The following SEL1L2 variants were observed in gnomAD, a reference collection of about 807,000 sequenced individuals.
The protein encoded by SEL1L2 is SEL1L2 adaptor subunit of SYVN1 ubiquitin ligase.
A neutral mutation model predicts 98.8 loss-of-function variants in SEL1L2; 89 were observed. The ratio of observed to expected loss-of-function variants is 0.90; its 90% confidence interval spans 0.76 to 1.07. The LOEUF (loss-of-function observed/expected upper bound fraction) is 1.07, where lower values mean the gene tolerates loss of function less well. Among genes scored for constraint, SEL1L2 ranks in the 50% least tolerant of loss-of-function variants. SEL1L2 has a pLI of 0.00. For synonymous variants in SEL1L2, 262 were observed against 278.5 expected (o/e 0.94, Z 0.59); for missense variants, 788 against 812.0 (o/e 0.97, Z 0.36).
Position 13,850,221 on chromosome 20 carries a change from C to A in SEL1L2, c.1917G>T (p.Thr639=), listed in dbSNP as rs201001973. Residue 639 remains threonine (T), a synonymous_variant, in exon 19 of 20, where the codon ACG becomes ACT. Coordinates refer to ENST00000284951, the MANE Select transcript of SEL1L2 (RefSeq NM_025229.2). ...AAAACAGGATATCCCGGAGCAAATG[C>A]GTAGTTTCCAGTTTCATGACGGCAA... ...VLFAVMKLET[T]HLLRDILFFN... 1.2e-6 allele frequency: 2 copies of A among 1,613,924 alleles called. No individual in the cohort carries two copies. The highest frequency in any genetic ancestry group is 2.2e-5 in the South Asian group (2 of 91,080).
intron 1 of SEL1L2, among the ~76,000 whole-genome samples, chr20:13,967,885 C>T (rs555841432): frequency 9.9e-5 from 15 of 152,080 alleles, no homozygotes; most frequent in Non-Finnish European, 1.8e-4. Flanking sequence ...TATTCCATTC[C>T]TCTCTTAACA....
chr20:13,985,554 C>T lies in SEL1L2; in HGVS notation c.58+4923G>A, dbSNP rs1256761159. 3.3e-5 allele frequency among the ~76,000 whole-genome samples: 5 copies of T among 152,322 alleles called. No homozygotes were observed. The South Asian group carries it at 8.3e-4, about 25-fold the overall frequency. On this transcript the variant is annotated intron_variant, in intron 1 of 19. Coordinates refer to ENST00000284951, the MANE Select transcript of SEL1L2 (RefSeq NM_025229.2). ...AATGCTTCTGTTTTATTACCTACAACACTTTATAATTTATTCATTCAATAT... is the reference window on the plus strand; with the variant it reads ...AATGCTTCTGTTTTATTACCTACAATACTTTATAATTTATTCATTCAATAT...
At chr20:13,969,493 C>A (rs1051853894) in intron 1 of SEL1L2, among the ~76,000 whole-genome samples, 1 of 152,150 alleles carries the variant, frequency 6.6e-6, no homozygotes, top group African/African-American at 2.4e-5. Flanking sequence ...TGTGAAAGTG[C>A]TTGACATTTG....
chr20:13,919,453 C>T (rs898756799), intron 3 of SEL1L2, among the ~76,000 whole-genome samples: 2 of 152,110 alleles, frequency 1.3e-5, no homozygotes, highest in African/African-American at 2.4e-5. Context: ...GCAGGAGATG[C>T]CTGGTATATA....
At chr20:13,949,618 G>A (rs758623928) in intron 2 of SEL1L2, among the ~76,000 whole-genome samples, 21 of 151,880 alleles carry the variant, frequency 1.4e-4, no homozygotes, top group Non-Finnish European at 2.8e-4. Flanking sequence ...AGCCAAGCTC[G>A]TGCCACTGCA....
chr20:13,876,439 AC>A (rs1259469787), intron 11 of SEL1L2, among the ~76,000 whole-genome samples: 2 of 101,516 alleles, frequency 2.0e-5, no homozygotes, highest in Non-Finnish European at 3.8e-5. Context: ...ATCTACATTT[AC>A]TGTATGTTGC....
At chr20:13,873,217 T>C (rs2046284242) in intron 12 of SEL1L2, among the ~76,000 whole-genome samples, 1 of 152,068 alleles carries the variant, frequency 6.6e-6, no homozygotes, top group Non-Finnish European at 1.5e-5. Context: ...CTCGAACTCC[T>C]GACCTCAAGT....
At chr20:13,855,907 G>A (rs1484618432) in intron 18 of SEL1L2, among the ~76,000 whole-genome samples, 2 of 152,132 alleles carry the variant, frequency 1.3e-5, no homozygotes, top group Non-Finnish European at 2.9e-5. Flanking sequence ...TATGGATGGG[G>A]GATTGCAAAT....
At chr20:13,880,447 T>C (rs75725280) in intron 10 of SEL1L2, among the ~76,000 whole-genome samples, 4,447 of 152,268 alleles carry the variant, frequency 0.029, 208 homozygotes, top group African/African-American at 0.1. Flanking sequence ...CCTTTTTTTT[T>C]CTCATTTTTA....
chr20:13,850,776 C>G (rs1988118365), intron 18 of SEL1L2, among the ~76,000 whole-genome samples: 1 of 152,196 alleles, frequency 6.6e-6, no homozygotes, highest in Non-Finnish European at 1.5e-5. Context: ...AGTCAGATCA[C>G]CTGGGCTTTT....
chr20:13,930,718 CAG>C (rs1469271429), intron 3 of SEL1L2, among the ~76,000 whole-genome samples: 2 of 152,132 alleles, frequency 1.3e-5, no homozygotes, highest in Non-Finnish European at 2.9e-5. Flanking sequence ...CAGAAAAAAA[CAG>C]AGACTAACAT....
intron 3 of SEL1L2, among the ~76,000 whole-genome samples, chr20:13,919,782 C>A (rs1276967819): frequency 6.6e-6 from 1 of 151,802 alleles, no homozygotes; most frequent in Admixed American, 6.6e-5. Flanking sequence ...AAAAATTAGC[C>A]AGGCGTGGTG....
At chr20:13,894,511 G>C (rs2047338665) in intron 5 of SEL1L2, among the ~76,000 whole-genome samples, 1 of 152,214 alleles carries the variant, frequency 6.6e-6, no homozygotes, top group Admixed American at 6.5e-5. Context: ...TGTAAGCAGA[G>C]GTCACACCAC....
intron 5 of SEL1L2, among the ~76,000 whole-genome samples, chr20:13,913,258 G>A (rs2048275863): frequency 6.6e-6 from 1 of 152,188 alleles, no homozygotes. Flanking sequence ...GTAGCCAGAA[G>A]CAAAATGATA....
At chr20:13,912,769 C>A (rs2048259066) in intron 5 of SEL1L2, among the ~76,000 whole-genome samples, 1 of 152,196 alleles carries the variant, frequency 6.6e-6, no homozygotes, top group South Asian at 2.1e-4. Context: ...TCCATAGGCA[C>A]AGTATCCAGT....
chr20:13,922,993 G>A (rs1263199976), intron 3 of SEL1L2, among the ~76,000 whole-genome samples: 8 of 152,252 alleles, frequency 5.3e-5, no homozygotes, highest in Middle Eastern at 3.4e-3. Context: ...CCTTCCCACA[G>A]GTAACAGGGC....
intron 10 of SEL1L2, among the ~76,000 whole-genome samples, chr20:13,881,062 G>A (rs1568885438): frequency 6.6e-6 from 1 of 152,174 alleles, no homozygotes; most frequent in Non-Finnish European, 1.5e-5. Flanking sequence ...TCGCCAGGCT[G>A]GAGGGCAGTT....
At chr20:13,978,304 A>G (rs2051641791) in intron 1 of SEL1L2, among the ~76,000 whole-genome samples, 1 of 152,260 alleles carries the variant, frequency 6.6e-6, no homozygotes, top group Non-Finnish European at 1.5e-5. Flanking sequence ...TATCCACTGC[A>G]GAAGAATGAA....
At chr20:13,903,692 TC>T (rs2047787969) in intron 5 of SEL1L2, among the ~76,000 whole-genome samples, 1 of 152,036 alleles carries the variant, frequency 6.6e-6, no homozygotes, top group Non-Finnish European at 1.5e-5. Context: ...GAGCCTGTAA[TC>T]CCAGCTACTA....
Sources: gnomAD v4.1 joint callset for allele counts (sites outside exome capture counted in the v4.1 genomes callset) on GRCh38, gnomAD v4.1.1 for gene constraint, MANE v1.5 for transcripts, NCBI Gene and HGNC (gene_info 2026-07-23, HGNC 2026-07-21) for gene names.